Variants in KIF16B observed in about 807,000 individuals in gnomAD.
KIF16B encodes the protein kinesin family member 16B, also known as kinesin-like protein KIF16B.
Under a neutral mutation model 156.3 loss-of-function variants are expected in KIF16B, and 98 were observed. That is an observed-to-expected ratio of 0.63 (90% CI 0.53 to 0.74). The LOEUF (loss-of-function observed/expected upper bound fraction) is 0.74. KIF16B is among the 30% of genes least tolerant of loss of function. The pLI is 0.00. For synonymous variants in KIF16B, 564 were observed against 583.7 expected (o/e 0.97, Z 0.49); for missense variants, 1,421 against 1,606.5 (o/e 0.88, Z 1.97).
intron 1 of KIF16B, among the ~76,000 whole-genome samples, chr20:16,549,552 AC>A (rs2070557495): frequency 6.6e-6 from 1 of 152,132 alleles, no homozygotes; most frequent in African/African-American, 2.4e-5. Flanking sequence ...TTGGGTATAT[AC>A]CCAGTAATGG....
chr20:16,366,509 G>A (rs902699621), intron 22 of KIF16B, among the ~76,000 whole-genome samples: 1 of 152,084 alleles, frequency 6.6e-6, no homozygotes, highest in Non-Finnish European at 1.5e-5. Flanking sequence ...AGCTGAAATC[G>A]CAAGAGTTAA....
At chr20:16,402,470 A>T (rs1026351395) in intron 17 of KIF16B, among the ~76,000 whole-genome samples, 3 of 152,246 alleles carry the variant, frequency 2.0e-5, no homozygotes, top group Non-Finnish European at 4.4e-5. Flanking sequence ...CAAAGAAGAC[A>T]AAATAAGGAG....
intron 15 of KIF16B, among the ~76,000 whole-genome samples, chr20:16,417,832 A>G (rs1050963613): frequency 2.0e-5 from 3 of 152,148 alleles, no homozygotes; most frequent in Non-Finnish European, 2.9e-5. Context: ...TGAAAAGCAA[A>G]GAAAAAAGAA....
chr20:16,427,279 CT>C, intron 14 of KIF16B, 38 bp from the exon 15 acceptor site: 1 of 1,576,296 alleles, frequency 6.3e-7, no homozygotes, highest in Non-Finnish European at 8.6e-7. Flanking sequence ...ATTTTTCCCC[CT>C]TTTCTACTGC....
At chr20:16,307,544 G>C (rs367879052) in intron 25 of KIF16B, among the ~76,000 whole-genome samples, 2 of 152,182 alleles carry the variant, frequency 1.3e-5, no homozygotes, top group East Asian at 3.9e-4. Flanking sequence ...AGGAGTCTTA[G>C]AGAAGTAGAG....
chr20:16,401,313 A>G (rs1006358927), intron 17 of KIF16B, among the ~76,000 whole-genome samples: 31 of 152,050 alleles, frequency 2.0e-4, no homozygotes, highest in Non-Finnish European at 2.8e-4. Flanking sequence ...CCCTCTTCCC[A>G]CCTATGGCTT....
chr20:16,468,351 C>T (rs1182442675), intron 12 of KIF16B, among the ~76,000 whole-genome samples: 2 of 151,912 alleles, frequency 1.3e-5, no homozygotes, highest in African/African-American at 2.4e-5. Context: ...GCAGATGGAT[C>T]ACCTGAGGTC....
chr20:16,365,319 G>C (rs188385877), intron 22 of KIF16B, among the ~76,000 whole-genome samples: 1 of 152,130 alleles, frequency 6.6e-6, no homozygotes, highest in Non-Finnish European at 1.5e-5. Flanking sequence ...GTTCATGAGG[G>C]AAGATGACCT....
chr20:16,414,938 G>A lies in KIF16B; in HGVS notation c.1613-8482C>T, dbSNP rs139348523. Among the ~76,000 whole-genome samples, 56 of 152,244 alleles carry A rather than the reference G, an allele frequency of 3.7e-4. No homozygotes were observed. The East Asian group carries it at 6.8e-3, about 18-fold the overall frequency. On this transcript the variant is annotated intron_variant, in intron 15 of 25. Coordinates refer to ENST00000354981, the MANE Select transcript of KIF16B (RefSeq NM_024704.5). ...CACTTGATTATAAACTAGGCTTTGC[G>A]TTAGATGATTTTGCCCAGTGTTCTG...
At chr20:16,546,457 C>G (rs1003418897) in intron 1 of KIF16B, among the ~76,000 whole-genome samples, 1 of 152,188 alleles carries the variant, frequency 6.6e-6, no homozygotes, top group African/African-American at 2.4e-5. Flanking sequence ...CTATTTGCAG[C>G]ACCTGGAGAT....
chr20:16,543,300 C>G (rs1039158692), intron 1 of KIF16B, among the ~76,000 whole-genome samples: 3 of 152,210 alleles, frequency 2.0e-5, no homozygotes, highest in Non-Finnish European at 4.4e-5. Context: ...TGGAGCCCAA[C>G]CCACCTATCC....
At chr20:16,363,485 C>T (rs933922777) in intron 22 of KIF16B, among the ~76,000 whole-genome samples, 10 of 152,106 alleles carry the variant, frequency 6.6e-5, no homozygotes, top group Non-Finnish European at 8.8e-5. Flanking sequence ...AATTAATTGC[C>T]GGTCCTAATT....
chr20:16,428,638 GT>G (rs1391596226), intron 14 of KIF16B, among the ~76,000 whole-genome samples: 2 of 152,036 alleles, frequency 1.3e-5, no homozygotes, highest in African/African-American at 4.8e-5. Context: ...TTGTTCCATT[GT>G]GAGACAATGT....
intron 10 of KIF16B, among the ~76,000 whole-genome samples, chr20:16,501,276 CTTGGT>C (rs1200177047): frequency 3.7e-5 from 2 of 53,580 alleles, no homozygotes; most frequent in African/African-American, 9.7e-5. Flanking sequence ...GAATTGAATT[CTTGGT>C]TCAATACCAA....
At position 16,378,908 on chromosome 20, in the gene KIF16B, G is replaced by A; in HGVS notation, c.3094C>T (p.Gln1032Ter). ...TTCAGACTGGCAAGTTTCTGCCTCT[G>A]CTCTTCAATCTCCATGCCCAGGGTG... is the stretch of plus-strand genomic sequence containing the variant. ...HSTLGMEIEE[Q>*]RQKLASLNSG... is the part of the protein sequence containing the mutation. The change falls in exon 19 of 26, where the codon CAG becomes TAG. Residue 1032 changes from glutamine (Q) to a stop codon, truncating the protein, a stop_gained. Coordinates refer to ENST00000354981, the MANE Select transcript of KIF16B (RefSeq NM_024704.5). LOFTEE classifies it high-confidence loss of function. The A allele has an allele frequency of 6.2e-7, 1 of 1,614,064 alleles. No homozygotes were observed. Among genetic ancestry groups the A allele is most frequent in the Non-Finnish European group, 8.5e-7 (1 of 1,179,954 alleles).
chr20:16,278,904 A>T (rs1411957179), intron 25 of KIF16B, among the ~76,000 whole-genome samples: 1 of 152,170 alleles, frequency 6.6e-6, no homozygotes, highest in Non-Finnish European at 1.5e-5. Context: ...CTTGGGTCAG[A>T]TGCACTGCCT....
chr20:16,487,126 G>A (rs1451402809), intron 12 of KIF16B, among the ~76,000 whole-genome samples: 1 of 152,012 alleles, frequency 6.6e-6, no homozygotes, highest in Non-Finnish European at 1.5e-5. Context: ...GGTGGTGGGT[G>A]CCTGTATTCC....
rs573208729 is a variant in KIF16B at position 16,453,665 on chromosome 20, C to T, written c.1303-23683G>A. Among the ~76,000 whole-genome samples, 250 of 152,094 alleles carry T rather than the reference C, an allele frequency of 1.6e-3. 2 individuals are homozygous for T. The highest frequency in any genetic ancestry group is 0.014 in the Middle Eastern group (4 of 294). The stretch of plus-strand genomic sequence containing the variant: ...GGGAGATTTATAGGAACATATTTCA[C>T]GGAAAAGGAAATGTAATTAATCGGC... On this transcript the variant is annotated intron_variant, in intron 12 of 25. Transcript: ENST00000354981.
At chr20:16,369,961 G>C (rs749589124) in intron 22 of KIF16B, among the ~76,000 whole-genome samples, 1 of 152,122 alleles carries the variant, frequency 6.6e-6, no homozygotes, top group African/African-American at 2.4e-5. Context: ...GTGTGGCTGC[G>C]GCCAAAGTCA....
Sources: gnomAD v4.1 joint callset for allele counts (sites outside exome capture counted in the v4.1 genomes callset) on GRCh38, gnomAD v4.1.1 for gene constraint, MANE v1.5 for transcripts, NCBI Gene and HGNC (gene_info 2026-07-23, HGNC 2026-07-21) for gene names.